DNAJB6: variants seen among roughly 807,000 people sequenced by gnomAD.
DNAJB6 encodes the protein DnaJ heat shock protein family (Hsp40) member B6.
Under a neutral mutation model 42.7 loss-of-function variants are expected in DNAJB6, and 16 were observed. The ratio of observed to expected loss-of-function variants is 0.37; its 90% confidence interval spans 0.25 to 0.57. DNAJB6 has a LOEUF of 0.57. Ranked by LOEUF, DNAJB6 falls within the 20% of genes least tolerant of loss-of-function variation. The probability of loss-of-function intolerance (pLI) is 0.74; values close to 1 mark genes in which losing one functional copy is unlikely to be tolerated. For missense variants in DNAJB6, 347 were observed against 416.8 expected (o/e 0.83, Z 1.46); for synonymous variants, 170 against 163.5 (o/e 1.04, Z -0.30).
intron 6 of DNAJB6, 109 bp downstream of exon 6, chr7:157,382,486 A>G (rs1800836149): frequency 8.8e-6 from 11 of 1,245,794 alleles, no homozygotes; most frequent in Non-Finnish European, 1.2e-5. Context: ...TACCTTTCGT[A>G]GAATAGCATT....
intron 1 of DNAJB6, among the ~76,000 whole-genome samples, chr7:157,347,545 A>G (rs1798749545): frequency 1.3e-5 from 2 of 152,140 alleles, no homozygotes; most frequent in South Asian, 4.1e-4. Flanking sequence ...ATTGACATTT[A>G]CTTAATTCCT....
In DNAJB6 at chr7:157,384,853, C is replaced by G; in HGVS notation, c.479-14C>G. 1 of 1,602,440 alleles carries G rather than the reference C, an allele frequency of 6.2e-7. No individual in the cohort carries two copies. The highest frequency in any genetic ancestry group is 8.5e-7 in the Non-Finnish European group (1 of 1,176,160). On this transcript the variant is annotated splice_polypyrimidine_tract_variant and intron_variant, in intron 6 of 9. Coordinates refer to ENST00000262177, the MANE Select transcript of DNAJB6 (RefSeq NM_058246.4). ...ATATTTCTTTAAGCATTTTTCTTTT[C>G]TGTTTTCCTGTAGGATTTACTTCAT...
intron 8 of DNAJB6, among the ~76,000 whole-genome samples, chr7:157,405,829 C>T (rs557285930): frequency 3.9e-5 from 6 of 152,322 alleles, no homozygotes; most frequent in East Asian, 3.9e-4. Flanking sequence ...CTCCTGCAGC[C>T]GGTCTGTCCA....
intron 8 of DNAJB6, among the ~76,000 whole-genome samples, chr7:157,406,873 CT>C (rs764235223): frequency 2.0e-5 from 3 of 152,238 alleles, no homozygotes; most frequent in Non-Finnish European, 4.4e-5. Context: ...AATGCAAAAC[CT>C]CCCCCAGAGC....
chr7:157,374,179 T>C (rs1800357040), intron 5 of DNAJB6, among the ~76,000 whole-genome samples: 2 of 152,114 alleles, frequency 1.3e-5, no homozygotes, highest in African/African-American at 4.8e-5. Flanking sequence ...CTGGTGAGAG[T>C]TTCTTGGAGA....
intron 8 of DNAJB6, among the ~76,000 whole-genome samples, chr7:157,401,045 C>T (rs866044895): frequency 9.9e-5 from 15 of 152,206 alleles, no homozygotes; most frequent in East Asian, 1.9e-4. Context: ...GCCGAAGCCC[C>T]GGGTTTTGAT....
chr7:157,353,466 A>G (rs1563115033), intron 1 of DNAJB6, among the ~76,000 whole-genome samples: 1 of 151,940 alleles, frequency 6.6e-6, no homozygotes, highest in East Asian at 1.9e-4. Flanking sequence ...TTCATATTCC[A>G]CCTGTTTTTC....
chr7:157,370,128 T>C lies in DNAJB6; in HGVS notation c.346+2645T>C, dbSNP rs9771099. Among the ~76,000 whole-genome samples the C allele has an allele frequency of 3.6e-3, 399 of 111,010 alleles. 1 individual carries two copies. Among genetic ancestry groups the C allele is most frequent in the African/African-American group, 7.3e-3 (185 of 25,282 alleles). The allele number at this position is 111,010 out of a possible 152,430, so 72.8% of individuals were successfully genotyped here. ...GCCCCTTCTTAACATTATTATTAAA[T>C]GGGACCCTTCTTAAGATTATTAAAC... On this transcript the variant is annotated intron_variant, in intron 5 of 9. Transcript: ENST00000262177.
At chr7:157,337,977 C>G (rs1016863540) in intron 1 of DNAJB6, among the ~76,000 whole-genome samples, 10 of 152,190 alleles carry the variant, frequency 6.6e-5, no homozygotes, top group African/African-American at 1.9e-4. Flanking sequence ...GATCGTGCCA[C>G]CACCGAAGGG....
At chr7:157,375,379 A>G (rs1336963258) in intron 5 of DNAJB6, among the ~76,000 whole-genome samples, 1 of 152,238 alleles carries the variant, frequency 6.6e-6, no homozygotes, top group Non-Finnish European at 1.5e-5. Context: ...TATTTGAAAT[A>G]GAATAATTTG....
At chr7:157,365,963 T>C (rs1035773703) in intron 3 of DNAJB6, among the ~76,000 whole-genome samples, 2 of 106,444 alleles carry the variant, frequency 1.9e-5, no homozygotes, top group Non-Finnish European at 4.4e-5. Flanking sequence ...CTCGCGTGGC[T>C]AAGTCCCCCC....
rs1486298352 is a variant in DNAJB6 at position 157,416,699 on chromosome 7, A to G, written c.*601A>G. On this transcript the variant is annotated 3_prime_UTR_variant, in exon 10 of 10. Coordinates refer to ENST00000262177, the MANE Select transcript of DNAJB6 (RefSeq NM_058246.4). ...TTTTCATCCTTTGCAGGTAGTGCAA[A>G]TTCAACTTCAAATATGGTGTAGGTT... The G allele has an allele frequency of 1.3e-5, 2 of 152,248 alleles. No homozygotes were observed. The highest frequency in any genetic ancestry group is 1.3e-4 in the Admixed American group (2 of 15,282). The allele number at this position is 152,248 out of a possible 1,614,324, so 9.4% of individuals were successfully genotyped here. A position where few individuals can be genotyped will look rare whatever the true frequency, so the allele number is the denominator to read the frequency against.
chr7:157,358,754 A>T, intron 2 of DNAJB6, 117 bp downstream of exon 2: 1 of 765,316 alleles, frequency 1.3e-6, no homozygotes, highest in Non-Finnish European at 2.2e-6. Context: ...CCAGTCTTTG[A>T]ATGCCACATA....
In DNAJB6 at chr7:157,403,475, G is replaced by GT. The variant is rs982790438; in HGVS notation, c.692-6312dup. ...AGGGAGGTGTGTGGCTTTTTTGTTT[G>GT]TTTTTTTTGAGACATTGTCTCATTC... On this transcript the variant is annotated intron_variant, in intron 8 of 9. Transcript: ENST00000262177. Among the ~76,000 whole-genome samples the GT allele has an allele frequency of 1.5e-3, 225 of 152,074 alleles. 1 individual carries two copies. The highest frequency in any genetic ancestry group is 3.0e-3 in the Admixed American group (46 of 15,272).
chr7:157,353,078 A>AT lies in DNAJB6; in HGVS notation c.-26-5456dup, dbSNP rs551030018. On this transcript the variant is annotated intron_variant, in intron 1 of 9. Transcript: ENST00000262177. The stretch of plus-strand genomic sequence containing the variant: ...TTAAGGTCAGGAATTGCCCTATCAA[A>AT]TTTTTTTTTTTTTAATTTTTAAAAT... 3.6e-3 allele frequency among the ~76,000 whole-genome samples: 536 copies of AT among 148,842 alleles called. 3 individuals are homozygous for AT. The highest frequency in any genetic ancestry group is 0.012 in the African/African-American group (483 of 40,558).
chr7:157,367,126 T>G (rs1799883021), intron 4 of DNAJB6, among the ~76,000 whole-genome samples: 1 of 152,212 alleles, frequency 6.6e-6, no homozygotes, highest in Non-Finnish European at 1.5e-5. Flanking sequence ...TATATGCCGA[T>G]CACGGATTTA....
In DNAJB6 at chr7:157,416,414, T is replaced by G; in HGVS notation, c.*316T>G. The G allele has an allele frequency of 3.1e-6, 1 of 325,134 alleles. No homozygotes were observed. Among genetic ancestry groups the G allele is most frequent in the Non-Finnish European group, 5.8e-6 (1 of 172,054 alleles). The allele number at this position is 325,134 out of a possible 1,614,324, so 20.1% of individuals were successfully genotyped here. A position where few individuals can be genotyped will look rare whatever the true frequency, so the allele number is the denominator to read the frequency against. On this transcript the variant is annotated 3_prime_UTR_variant, in exon 10 of 10. Transcript: ENST00000262177. Reference sequence around the variant, plus strand: ...GCTACTCAACCACTCCGCATGCTGCTGGAATATTTCTGGCTTTAGAAGTAC... The same window carrying G: ...GCTACTCAACCACTCCGCATGCTGCGGGAATATTTCTGGCTTTAGAAGTAC...
intron 5 of DNAJB6, chr7:157,378,859 C>G (rs1016906619): frequency 5.3e-5 from 8 of 152,200 alleles, no homozygotes; most frequent in African/African-American, 1.9e-4. Flanking sequence ...TGTCTGATCT[C>G]AAGTGGCAAC....
chr7:157,393,329 C>T (rs997474560), intron 8 of DNAJB6, among the ~76,000 whole-genome samples: 6 of 152,104 alleles, frequency 3.9e-5, no homozygotes, highest in East Asian at 1.9e-4. Flanking sequence ...AATTGGAAAA[C>T]TCTATAAATT....
Sources: allele counts gnomAD v4.1 joint callset (sites outside exome capture counted in the v4.1 genomes callset), GRCh38; gene constraint gnomAD v4.1.1; transcripts MANE v1.5; gene names NCBI Gene and HGNC (gene_info 2026-07-23, HGNC 2026-07-21).